HPSE2: variants seen among roughly 807,000 people sequenced by gnomAD.
HPSE2 encodes inactive heparanase-2.
In HPSE2, 38 loss-of-function variants were observed where a neutral mutation model predicts 60.5. That is an observed-to-expected ratio of 0.63 (90% CI 0.48 to 0.82). The LOEUF (loss-of-function observed/expected upper bound fraction) is 0.82. HPSE2 is among the 40% of genes least tolerant of loss of function. HPSE2 has a pLI of 0.00. For synonymous variants in HPSE2, 295 were observed against 293.2 expected (o/e 1.01, Z -0.06); for missense variants, 713 against 740.4 (o/e 0.96, Z 0.43).
intron 3 of HPSE2, among the ~76,000 whole-genome samples, chr10:99,108,135 A>T (rs1000593530): frequency 6.6e-6 from 1 of 152,230 alleles, no homozygotes; most frequent in Non-Finnish European, 1.5e-5. Context: ...GAGCGCCTGG[A>T]AAGCAAAGAT....
chr10:99,280,930 T>C, the HPSE2 span, among the ~76,000 whole-genome samples: 3 of 152,172 alleles, frequency 2.0e-5, no homozygotes, highest in Non-Finnish European at 1.5e-5. Context: ...CCAGACTGCA[T>C]GGATTCAAAT....
intron 3 of HPSE2, among the ~76,000 whole-genome samples, chr10:99,007,947 T>G (rs570110332): frequency 6.6e-6 from 1 of 152,342 alleles, no homozygotes; most frequent in East Asian, 1.9e-4. Context: ...CCTCTCCCCA[T>G]GCCCTGTATG....
intron 6 of HPSE2, among the ~76,000 whole-genome samples, chr10:98,688,476 T>TTC (rs1565080155): frequency 8.6e-6 from 1 of 116,088 alleles, no homozygotes; most frequent in Non-Finnish European, 1.7e-5. Context: ...TTTTTTTTTT[T>TTC]CTTTTTTTTT....
chr10:98,663,859 G>A (rs1589599195), intron 6 of HPSE2, among the ~76,000 whole-genome samples: 1 of 152,252 alleles, frequency 6.6e-6, no homozygotes, highest in African/African-American at 2.4e-5. Flanking sequence ...ATGGTGCCAG[G>A]GAACAGTCAG....
At chr10:98,766,778 A>G (rs1213377975) in intron 3 of HPSE2, among the ~76,000 whole-genome samples, 1 of 152,098 alleles carries the variant, frequency 6.6e-6, no homozygotes, top group Non-Finnish European at 1.5e-5. Flanking sequence ...TACAAAAATT[A>G]GCTGGGCATG....
rs150451358 is a variant in HPSE2 at position 98,792,206 on chromosome 10, GT to G, written c.611-48151del. On this transcript the variant is annotated intron_variant, in intron 3 of 11. Coordinates refer to ENST00000370552, the MANE Select transcript of HPSE2 (RefSeq NM_021828.5). Reference sequence around the variant, plus strand: ...AACAGTCTCACCACACAATCAAAAGGTTTTTTTTTTCAGCCAATAAATCTAA... The same window carrying G: ...AACAGTCTCACCACACAATCAAAAGGTTTTTTTTTCAGCCAATAAATCTAA... Among the ~76,000 whole-genome samples the G allele has an allele frequency of 8.8e-5, 13 of 146,994 alleles. No homozygotes were observed. The East Asian group carries it at 9.9e-4, about 11-fold the overall frequency.
At chr10:99,230,525 C>G (rs959948466) in intron 2 of HPSE2, among the ~76,000 whole-genome samples, 1 of 151,968 alleles carries the variant, frequency 6.6e-6, no homozygotes, top group African/African-American at 2.4e-5. Flanking sequence ...AGATCTTTTC[C>G]GTTTATGTTT....
intron 3 of HPSE2, among the ~76,000 whole-genome samples, chr10:99,132,206 AGAGAGAGAGAGAGAGAGAG>A (rs1564832946): frequency 1.6e-4 from 4 of 24,508 alleles, no homozygotes; most frequent in East Asian, 2.2e-3. Flanking sequence ...AGAGAGAGAG[AGAGAGAGAGAGAGAGAGAG>A]AGAGAGAGAG....
At chr10:98,968,439 T>C (rs1347724588) in intron 3 of HPSE2, among the ~76,000 whole-genome samples, 2 of 152,198 alleles carry the variant, frequency 1.3e-5, no homozygotes, top group East Asian at 1.9e-4. Flanking sequence ...GAAAACAGTA[T>C]GGAGCTTCCT....
At chr10:98,622,421 T>C (rs1410673569) in intron 7 of HPSE2, among the ~76,000 whole-genome samples, 3 of 152,160 alleles carry the variant, frequency 2.0e-5, no homozygotes, top group Non-Finnish European at 4.4e-5. Flanking sequence ...TGCTGTTAGT[T>C]TAGGAGTATT....
At chr10:99,092,007 C>T (rs1843531606) in intron 3 of HPSE2, among the ~76,000 whole-genome samples, 1 of 152,122 alleles carries the variant, frequency 6.6e-6, no homozygotes, top group Non-Finnish European at 1.5e-5. Context: ...AAAATACATT[C>T]TTTAGATCAT....
intron 9 of HPSE2, among the ~76,000 whole-genome samples, chr10:98,507,404 C>T (rs1441963190): frequency 6.6e-6 from 1 of 151,886 alleles, no homozygotes; most frequent in Non-Finnish European, 1.5e-5. Context: ...CGTTATTGAC[C>T]CAGGTATAGG....
the HPSE2 span, among the ~76,000 whole-genome samples, chr10:99,275,055 T>C: frequency 6.6e-6 from 1 of 152,206 alleles, no homozygotes; most frequent in African/African-American, 2.4e-5. Flanking sequence ...GATGTAGAAA[T>C]TTGGGCTCCT....
At chr10:98,887,067 A>G (rs898179889) in intron 3 of HPSE2, among the ~76,000 whole-genome samples, 2 of 152,178 alleles carry the variant, frequency 1.3e-5, no homozygotes, top group Admixed American at 1.3e-4. Flanking sequence ...AAAAAGTCAC[A>G]AAGTTGAAAT....
intron 9 of HPSE2, among the ~76,000 whole-genome samples, chr10:98,596,137 A>C (rs1338388395): frequency 2.0e-5 from 3 of 152,198 alleles, no homozygotes; most frequent in African/African-American, 7.2e-5. Context: ...ATCTATATGC[A>C]TCAGGAATAT....
chr10:98,542,940 AAGGC>A (rs1205833035), intron 9 of HPSE2, among the ~76,000 whole-genome samples: 1 of 152,122 alleles, frequency 6.6e-6, no homozygotes, highest in African/African-American at 2.4e-5. Context: ...CCAATCTAGC[AAGGC>A]AGGCCAACAT....
chr10:98,742,784 C>CACAT (rs1554982770), intron 4 of HPSE2, among the ~76,000 whole-genome samples: 1 of 61,432 alleles, frequency 1.6e-5, no homozygotes. Flanking sequence ...TACACACACA[C>CACAT]ACATACATAC....
At chr10:99,185,163 G>T (rs1252659052) in intron 2 of HPSE2, among the ~76,000 whole-genome samples, 1 of 151,674 alleles carries the variant, frequency 6.6e-6, no homozygotes, top group Admixed American at 6.6e-5. Flanking sequence ...AATTAGCCAG[G>T]TGTGATGACG....
the HPSE2 span, among the ~76,000 whole-genome samples, chr10:99,298,161 G>A: frequency 2.0e-5 from 3 of 152,182 alleles, no homozygotes; most frequent in Non-Finnish European, 2.9e-5. Context: ...AGCCTCTGAG[G>A]TCTCCACCTA....
Sources: allele counts gnomAD v4.1 joint callset (sites outside exome capture counted in the v4.1 genomes callset), GRCh38; gene constraint gnomAD v4.1.1; transcripts MANE v1.5; gene names NCBI Gene and HGNC (gene_info 2026-07-23, HGNC 2026-07-21).